DNAJB1: variants seen among roughly 807,000 people sequenced by gnomAD.
DNAJB1 encodes the protein dnaJ homolog subfamily B member 1.
DNAJB1 carries 14 observed loss-of-function variants against 24.0 expected under a neutral mutation model. The ratio of observed to expected loss-of-function variants is 0.58; its 90% CI spans 0.39 to 0.91. The LOEUF (loss-of-function observed/expected upper bound fraction) is 0.91, where lower values mean the gene tolerates loss of function less well. Among genes scored for constraint, DNAJB1 ranks in the 40% least tolerant of loss-of-function variants. DNAJB1 has a pLI of 0.00. For missense variants in DNAJB1, 517 were observed against 458.1 expected (o/e 1.13, Z -1.17); for synonymous variants, 262 against 174.4 (o/e 1.50, Z -3.96).
chr19:14,530,652 G>A (rs1442415996), upstream of DNAJB1: 1 of 152,140 alleles, frequency 6.6e-6, no homozygotes, highest in Non-Finnish European at 1.5e-5. Flanking sequence ...ATGCAAAACA[G>A]ATAGGGGAAC....
intron 1 of DNAJB1, chr19:14,517,446 A>C (rs1568380726): frequency 2.3e-5 from 4 of 173,128 alleles, no homozygotes; most frequent in Non-Finnish European, 2.4e-5. Flanking sequence ...AAAAAAAAAA[A>C]CAAAAATAAA....
upstream of DNAJB1, among the ~76,000 whole-genome samples, chr19:14,518,749 A>G (rs890287789): frequency 1.3e-5 from 2 of 152,186 alleles, no homozygotes; most frequent in African/African-American, 4.8e-5. Flanking sequence ...GTCGGGACCC[A>G]CAGCGAACTT....
chr19:14,543,421 T>TATA (rs1568406080), intron 1 of DNAJB1, among the ~76,000 whole-genome samples: 5 of 6,898 alleles, frequency 7.2e-4, no homozygotes, highest in Admixed American at 1.8e-3. Flanking sequence ...ATATATATAT[T>TATA]TTTTTTTTTT....
At chr19:14,521,780 C>T (rs1568383327), upstream of DNAJB1, among the ~76,000 whole-genome samples, 1 of 152,132 alleles carries the variant, frequency 6.6e-6, no homozygotes, top group African/African-American at 2.4e-5. Context: ...TGCGACCATG[C>T]CTGGCTAATT....
intron 1 of DNAJB1, among the ~76,000 whole-genome samples, chr19:14,528,876 G>A (rs1381024771): frequency 1.3e-5 from 2 of 152,136 alleles, no homozygotes; most frequent in South Asian, 2.1e-4. Context: ...CCCGGGAGGC[G>A]GAGGTTGCGT....
At chr19:14,558,483 G>C (rs780374448) in intron 1 of DNAJB1, among the ~76,000 whole-genome samples, 1 of 152,132 alleles carries the variant, frequency 6.6e-6, no homozygotes, top group East Asian at 1.9e-4. Context: ...GTGCTGCGAC[G>C]AGTTGCTGTT....
intron 1 of DNAJB1, among the ~76,000 whole-genome samples, chr19:14,544,496 G>T (rs1172629367): frequency 6.6e-6 from 1 of 152,134 alleles, no homozygotes; most frequent in African/African-American, 2.4e-5. Flanking sequence ...CTCGGGGTGT[G>T]CGGCCATTCT....
At chr19:14,554,315 C>T (rs1599473407), upstream of DNAJB1, among the ~76,000 whole-genome samples, 1 of 152,160 alleles carries the variant, frequency 6.6e-6, no homozygotes, top group South Asian at 2.1e-4. Flanking sequence ...AGGCAGGTCA[C>T]GTCCTAGGAC....
Position 14,516,760 on chromosome 19 carries a change from G to C in DNAJB1, c.498C>G (p.His166Gln). ...TCTCTTCAAGGGAGACTCGAAGGTC[G>C]TGGGTGACTGGGGGATCTTGCTTCT... ...ARKKQDPPVT[H>Q]DLRVSLEEIY... Residue 166 changes from histidine to glutamine, a missense_variant, in exon 2 of 3, where the codon CAC becomes CAG. Coordinates refer to ENST00000254322, the MANE Select transcript of DNAJB1 (RefSeq NM_006145.3). 1 of 1,613,966 alleles carries C rather than the reference G, an allele frequency of 6.2e-7. No individual in the cohort carries two copies. The highest frequency in any genetic ancestry group is 8.5e-7 in the Non-Finnish European group (1 of 1,179,986).
chr19:14,534,791 A>G (rs2072805011), upstream of DNAJB1, among the ~76,000 whole-genome samples: 1 of 152,182 alleles, frequency 6.6e-6, no homozygotes, highest in Non-Finnish European at 1.5e-5. Context: ...TCTACTTTAC[A>G]GATAATGCAA....
chr19:14,535,810 T>C (rs1442404341), intron 1 of DNAJB1, among the ~76,000 whole-genome samples: 2 of 146,718 alleles, frequency 1.4e-5, no homozygotes, highest in Non-Finnish European at 3.0e-5. Context: ...TGTGGTGAGC[T>C]ATAAAGACCT....
rs1445405846 is a variant in DNAJB1 at position 14,518,312 on chromosome 19, CG to C, written c.37del (p.Arg13AlafsTer60). On this transcript the variant is annotated frameshift_variant, in exon 1 of 3. Coordinates refer to ENST00000254322, the MANE Select transcript of DNAJB1 (RefSeq NM_006145.3). LOFTEE classifies it high-confidence loss of function. ...CTTGATCTCCTCGTCCGACGCGCCG[CG>C]GGCCAGGCCCAACGTCTGGTAGTAG... is the stretch of plus-strand genomic sequence containing the variant. The part of the protein sequence containing the change: ...KDYYQTLGLA[R>X]GASDEEIKRA... 1 of 1,605,612 alleles carries C rather than the reference CG, an allele frequency of 6.2e-7. No individual in the cohort carries two copies. Among genetic ancestry groups the C allele is most frequent in the Admixed American group, 1.7e-5 (1 of 59,120 alleles).
chr19:14,546,124 C>T (rs1413757265), intron 1 of DNAJB1, among the ~76,000 whole-genome samples: 3 of 152,156 alleles, frequency 2.0e-5, no homozygotes, highest in Non-Finnish European at 4.4e-5. Flanking sequence ...TCCTTCTGCA[C>T]CTGGGGTGGT....
upstream of DNAJB1, among the ~76,000 whole-genome samples, chr19:14,534,384 A>G (rs1485233639): frequency 7.9e-6 from 1 of 126,000 alleles, no homozygotes; most frequent in Non-Finnish European, 1.6e-5. Context: ...TCGGCCTCCC[A>G]GGGTGCTGGG....
chr19:14,529,616 C>A, upstream of DNAJB1: 2 of 1,604,326 alleles, frequency 1.2e-6, no homozygotes, highest in South Asian at 1.1e-5. Context: ...GCTGCGGTTG[C>A]GAGCGCTGTA....
At chr19:14,549,992 C>T (rs1465274796) in intron 1 of DNAJB1, among the ~76,000 whole-genome samples, 1 of 151,694 alleles carries the variant, frequency 6.6e-6, no homozygotes, top group Non-Finnish European at 1.5e-5. Flanking sequence ...CTTCAACTGC[C>T]ACTCCCTGTC....
Position 14,538,428 on chromosome 19 carries a change from C to T in DNAJB1, c.-213-10618G>A, listed in dbSNP as rs200928271. ...CACAGGCAGGGTAAAAATCCTTAAG[C>T]GGAGAGGGACCCACGTTAGGCAGGT... On this transcript the variant is annotated intron_variant, in intron 1 of 3. Transcript: ENST00000676982. Among the ~76,000 whole-genome samples the T allele has an allele frequency of 1.1e-4, 17 of 152,196 alleles. No homozygotes were observed. The East Asian group carries it at 1.9e-3, about 17-fold the overall frequency.
At position 14,516,559 on chromosome 19, in the gene DNAJB1, A is replaced by T; in HGVS notation, c.699T>A (p.Ala233=). Residue 233 remains alanine (A), a synonymous_variant, in exon 2 of 3, where the codon GCT becomes GCA. Transcript: ENST00000254322. ...TGTCCTTTAAAACAAAGACGATATC[A>T]GCTGGAATGTTGTTGGAGGTCTGGT... ...EGDQTSNNIP[A]DIVFVLKDKP... 1 of 1,614,232 alleles carries T rather than the reference A, an allele frequency of 6.2e-7. No homozygotes were observed. Among genetic ancestry groups the T allele is most frequent in the Non-Finnish European group, 8.5e-7 (1 of 1,180,036 alleles).
chr19:14,548,184 G>A (rs777071934), intron 1 of DNAJB1, among the ~76,000 whole-genome samples: 11 of 151,698 alleles, frequency 7.3e-5, no homozygotes, highest in African/African-American at 2.7e-4. Flanking sequence ...GGATCGTGTC[G>A]ATCTCCTGAC....
Sources: allele counts gnomAD v4.1 joint callset (sites outside exome capture counted in the v4.1 genomes callset), GRCh38; gene constraint gnomAD v4.1.1; transcripts MANE v1.5; gene names NCBI Gene and HGNC (gene_info 2026-07-23, HGNC 2026-07-21).